The following PAIP2B variants were observed in gnomAD, a reference collection of about 807,000 sequenced individuals.
PAIP2B encodes polyadenylate-binding protein-interacting protein 2B.
In PAIP2B, 13 loss-of-function variants were observed where a neutral mutation model predicts 17.0. The observed-to-expected ratio is 0.76, with a 90% CI of 0.50 to 1.22. The LOEUF is 1.22. Ranked by LOEUF, PAIP2B falls within the 50% of genes most tolerant of loss-of-function variation. The pLI, the probability that PAIP2B is intolerant of heterozygous loss-of-function variation, is 0.00. For missense variants in PAIP2B, 117 were observed against 144.5 expected, an observed-to-expected ratio of 0.81 and a Z score of 0.98; for synonymous variants, 43 against 48.7, an observed-to-expected ratio of 0.88 and a Z score of 0.48.
intron 1 of PAIP2B, among the ~76,000 whole-genome samples, chr2:71,205,238 C>T (rs1404192275): frequency 1.3e-5 from 2 of 152,166 alleles, no homozygotes; most frequent in African/African-American, 4.8e-5. Flanking sequence ...ATTGTCAATA[C>T]TAGGCAAGTG....
chr2:71,213,993 C>T (rs998522440), intron 1 of PAIP2B, among the ~76,000 whole-genome samples: 2 of 152,120 alleles, frequency 1.3e-5, no homozygotes, highest in Non-Finnish European at 2.9e-5. Context: ...AAATACTCCA[C>T]CTTTCATTTA....
At chr2:71,222,604 T>C (rs1426776242) in intron 1 of PAIP2B, among the ~76,000 whole-genome samples, 1 of 152,248 alleles carries the variant, frequency 6.6e-6, no homozygotes, top group Non-Finnish European at 1.5e-5. Flanking sequence ...CTTAGATGAC[T>C]TTCCATCCAA....
chr2:71,225,732 A>G (rs1223289682), intron 1 of PAIP2B, among the ~76,000 whole-genome samples: 4 of 152,204 alleles, frequency 2.6e-5, no homozygotes, highest in Non-Finnish European at 5.9e-5. Context: ...TGTTGGCATA[A>G]TTTTACTTAG....
intron 2 of PAIP2B, 68 bp from the exon 3 acceptor site, chr2:71,190,089 C>T (rs1173817856): frequency 1.4e-6 from 2 of 1,426,098 alleles, no homozygotes; most frequent in African/African-American, 1.4e-5. Flanking sequence ...AGTTTTTCCT[C>T]CACCTCTTTC....
At chr2:71,206,491 T>C (rs951211533) in intron 1 of PAIP2B, among the ~76,000 whole-genome samples, 2 of 152,184 alleles carry the variant, frequency 1.3e-5, no homozygotes, top group African/African-American at 4.8e-5. Context: ...TGCCAAGCAT[T>C]TGAGTTGGCA....
At chr2:71,189,815 A>G (rs1477157045) in intron 3 of PAIP2B, 30 bp downstream of exon 3, 1 of 1,524,832 alleles carries the variant, frequency 6.6e-7, no homozygotes. Context: ...TTTTCACTAC[A>G]TAACCTGGGG....
chr2:71,219,531 A>G (rs969952204), intron 1 of PAIP2B, among the ~76,000 whole-genome samples: 1 of 152,126 alleles, frequency 6.6e-6, no homozygotes, highest in African/African-American at 2.4e-5. Context: ...GAAATTGAGG[A>G]AAAGACAAAG....
chr2:71,188,499 T>A lies in PAIP2B; in HGVS notation c.352A>T (p.Ile118Phe). The change falls in exon 4 of 4, where the codon ATT (isoleucine) becomes TTT (phenylalanine). Residue 118 changes from isoleucine to phenylalanine, a missense_variant. Ile to Phe is a conservative substitution (Grantham distance 21). Coordinates refer to ENST00000244221, the MANE Select transcript of PAIP2B (RefSeq NM_020459.1). Reference sequence around the variant, plus strand: ...TCGGCTCAGTACTTCTCTCCTGGAATAAACTCCTTGGCATCTGGGTTCAGG... The same window carrying A: ...TCGGCTCAGTACTTCTCTCCTGGAAAAAACTCCTTGGCATCTGGGTTCAGG... Reference protein sequence around the residue: ...SNLNPDAKEFIPGEKY With the variant: ...SNLNPDAKEFFPGEKY The A allele has an allele frequency of 6.2e-7, 1 of 1,610,562 alleles. No homozygotes were observed. The highest frequency in any genetic ancestry group is 8.5e-7 in the Non-Finnish European group (1 of 1,178,364).
In PAIP2B at chr2:71,213,686, C is replaced by A. The variant is rs532780321; in HGVS notation, c.-11-11086G>T. Among the ~76,000 whole-genome samples the A allele has an allele frequency of 4.6e-5, 7 of 152,226 alleles. No individual in the cohort carries two copies. In the East Asian group the frequency reaches 1.4e-3, roughly 29 times the overall value. ...TTTGGTGTGGAAACCACTCAAGAGG[C>A]AGATTTTATGTCTAAATTGCAACGG... On this transcript the variant is annotated intron_variant, in intron 1 of 3. Coordinates refer to ENST00000244221, the MANE Select transcript of PAIP2B (RefSeq NM_020459.1).
chr2:71,204,007 T>C (rs564207907), intron 1 of PAIP2B, among the ~76,000 whole-genome samples: 2 of 152,282 alleles, frequency 1.3e-5, no homozygotes, highest in East Asian at 3.9e-4. Flanking sequence ...ATTCACTACT[T>C]TCCTTCGCTA....
chr2:71,188,866 TA>T (rs1674609718), intron 3 of PAIP2B, among the ~76,000 whole-genome samples: 1 of 152,206 alleles, frequency 6.6e-6, no homozygotes, highest in Admixed American at 6.5e-5. Flanking sequence ...CCAGGCTGGA[TA>T]CCACAATCTC....
In PAIP2B at chr2:71,188,381, C is replaced by T. The variant is rs1265971381; in HGVS notation, c.*98G>A. 13 of 977,900 alleles carry T rather than the reference C, an allele frequency of 1.3e-5. No individual in the cohort carries two copies. Among genetic ancestry groups the T allele is most frequent in the Non-Finnish European group, 2.0e-5 (13 of 634,558 alleles). The allele number at this position is 977,900 out of a possible 1,614,324, so 60.6% of individuals were successfully genotyped here. ...CCACCACTCCCCTTCCCGCTGTGCA[C>T]CCCTCGCCCGCCCCATCCCCCTCTT... On this transcript the variant is annotated 3_prime_UTR_variant, in exon 4 of 4. Coordinates refer to ENST00000244221, the MANE Select transcript of PAIP2B (RefSeq NM_020459.1).
At chr2:71,210,200 A>G (rs1675259992) in intron 1 of PAIP2B, among the ~76,000 whole-genome samples, 1 of 152,188 alleles carries the variant, frequency 6.6e-6, no homozygotes, top group Admixed American at 6.5e-5. Flanking sequence ...ATTTTCTTTT[A>G]CTAAGTAAAT....
At chr2:71,219,132 G>T (rs1340138423) in intron 1 of PAIP2B, among the ~76,000 whole-genome samples, 4 of 146,586 alleles carry the variant, frequency 2.7e-5, no homozygotes, top group Admixed American at 6.8e-5. Flanking sequence ...GGGTTTCACG[G>T]TGTTAGCCAG....
At chr2:71,206,997 T>G (rs191056651) in intron 1 of PAIP2B, among the ~76,000 whole-genome samples, 98 of 152,332 alleles carry the variant, frequency 6.4e-4, no homozygotes, top group Middle Eastern at 3.4e-3. Context: ...CTAAGATCAT[T>G]AAATCTATTC....
At chr2:71,201,464 C>A (rs762115882) in intron 2 of PAIP2B, among the ~76,000 whole-genome samples, 1 of 151,812 alleles carries the variant, frequency 6.6e-6, no homozygotes, top group Non-Finnish European at 1.5e-5. Flanking sequence ...TCACTGCAAC[C>A]TCCACCTATT....
rs756438675 is a variant in PAIP2B at position 71,202,487 on chromosome 2, T to G, written c.103A>C (p.Met35Leu). The G allele has an allele frequency of 6.2e-7, 1 of 1,614,018 alleles. No individual in the cohort carries two copies. The highest frequency in any genetic ancestry group is 1.1e-5 in the South Asian group (1 of 91,068). The change falls in exon 2 of 4, where the codon ATG (methionine) becomes CTG (leucine). Residue 35 changes from methionine (M) to leucine (L), a missense_variant. By Grantham distance (15) the Met-to-Leu change is conservative. Coordinates refer to ENST00000244221, the MANE Select transcript of PAIP2B (RefSeq NM_020459.1). ...DEKENPFAEY[M>L]WMENEEDFNR... is the part of the protein sequence containing the mutation. ...AAATCCTCTTCATTCTCCATCCACA[T>G]GTACTCTGCAAATGGGTTTTCCTTT...
intron 3 of PAIP2B, 71 bp from the exon 4 acceptor site, chr2:71,188,606 A>C: frequency 7.9e-7 from 1 of 1,259,002 alleles, no homozygotes; most frequent in Non-Finnish European, 1.1e-6. Context: ...GTCCATCATT[A>C]TCAGTACCTT....
chr2:71,211,277 C>T (rs1675290582), intron 1 of PAIP2B, among the ~76,000 whole-genome samples: 1 of 151,594 alleles, frequency 6.6e-6, no homozygotes, highest in African/African-American at 2.4e-5. Context: ...AAAAAGACTG[C>T]ATTTAGCAAG....
Sources: gnomAD v4.1 joint callset for allele counts (sites outside exome capture counted in the v4.1 genomes callset) on GRCh38, gnomAD v4.1.1 for gene constraint, MANE v1.5 for transcripts, NCBI Gene and HGNC (gene_info 2026-07-23, HGNC 2026-07-21) for gene names.